FRMD4A: variants seen among roughly 807,000 people sequenced by gnomAD.
The protein encoded by FRMD4A is FERM domain containing 4A, also known as FERM domain-containing protein 4A.
In FRMD4A, 29 loss-of-function variants were observed where a neutral mutation model predicts 129.1. That is an observed-to-expected ratio of 0.22 (90% CI 0.17 to 0.31). The LOEUF (loss-of-function observed/expected upper bound fraction) is 0.31, where lower values mean the gene tolerates loss of function less well. Among genes scored for constraint, FRMD4A ranks in the 10% least tolerant of loss-of-function variants. The probability of loss-of-function intolerance (pLI) is 1.00; values close to 1 mark genes in which losing one functional copy is unlikely to be tolerated. For missense variants in FRMD4A, 1,272 were observed against 1,375.8 expected (o/e 0.92, Z 1.19); for synonymous variants, 634 against 571.6 (o/e 1.11, Z -1.56).
intron 2 of FRMD4A, among the ~76,000 whole-genome samples, chr10:14,039,544 T>C (rs1443126046): frequency 6.6e-6 from 1 of 151,626 alleles, no homozygotes; most frequent in Non-Finnish European, 1.5e-5. Flanking sequence ...CCAAAATCAC[T>C]AAGCTAAAGG....
At chr10:14,265,921 C>T (rs923474303) in intron 2 of FRMD4A, among the ~76,000 whole-genome samples, 1 of 152,110 alleles carries the variant, frequency 6.6e-6, no homozygotes, top group Non-Finnish European at 1.5e-5. Flanking sequence ...AATGCTTCAC[C>T]TCTATAAGCG....
chr10:14,052,281 G>A (rs1834297168), intron 2 of FRMD4A, among the ~76,000 whole-genome samples: 2 of 152,180 alleles, frequency 1.3e-5, no homozygotes, highest in African/African-American at 4.8e-5. Flanking sequence ...TAAACTACCT[G>A]GTTTGCAGTG....
At chr10:14,238,171 G>T (rs533209097) in intron 2 of FRMD4A, among the ~76,000 whole-genome samples, 1 of 152,316 alleles carries the variant, frequency 6.6e-6, no homozygotes, top group South Asian at 2.1e-4. Context: ...AATGGGCCAG[G>T]CACTGTACTA....
At chr10:14,150,692 T>C (rs1237165642) in intron 2 of FRMD4A, among the ~76,000 whole-genome samples, 1 of 152,184 alleles carries the variant, frequency 6.6e-6, no homozygotes, top group Admixed American at 6.5e-5. Context: ...TATTTCTCCC[T>C]TCTCTCACCC....
chr10:14,192,444 C>T (rs773937877), intron 2 of FRMD4A, among the ~76,000 whole-genome samples: 3 of 152,192 alleles, frequency 2.0e-5, no homozygotes, highest in Non-Finnish European at 4.4e-5. Context: ...ATTCACATAA[C>T]AAAACTCTGC....
At chr10:13,848,506 G>C (rs184767799) in intron 3 of FRMD4A, among the ~76,000 whole-genome samples, 1 of 152,088 alleles carries the variant, frequency 6.6e-6, no homozygotes, top group African/African-American at 2.4e-5. Flanking sequence ...CAAAGAAGGG[G>C]TGTTGCCAGG....
At position 13,707,728 on chromosome 10, in the gene FRMD4A, C is replaced by T. The variant is rs539044214; in HGVS notation, c.760-615G>A. 6 of 985,246 alleles carry T rather than the reference C, an allele frequency of 6.1e-6. No homozygotes were observed. The East Asian group carries it at 5.7e-4, about 93-fold the overall frequency. 61.0% of individuals were successfully genotyped at this position (985,246 alleles called of 1,614,324 possible). A position where few individuals can be genotyped will look rare whatever the true frequency, so the allele number is the denominator to read the frequency against. On this transcript the variant is annotated intron_variant, in intron 12 of 24. Transcript: ENST00000357447. ...GGCAACTCAAGATCACAGTGTGAGCCTGTCAAGCCCATTCTTCTTGCTGCA... is the reference window on the plus strand; with the variant it reads ...GGCAACTCAAGATCACAGTGTGAGCTTGTCAAGCCCATTCTTCTTGCTGCA...
chr10:13,944,323 T>A (rs991994972), intron 2 of FRMD4A, among the ~76,000 whole-genome samples: 1 of 152,098 alleles, frequency 6.6e-6, no homozygotes, highest in African/African-American at 2.4e-5. Context: ...GCCAGGGATG[T>A]AGGCTGCATG....
rs147159485 is a variant in FRMD4A, at chr10:13,688,474, A to G, written c.1117+5424T>C. ...ACGAGTTAATCGGTGCAGCACACCA[A>G]CATGGCACATGTATACGTGTGTAAC... On this transcript the variant is annotated intron_variant, in intron 15 of 24. Transcript: ENST00000357447. 3.6e-3 allele frequency among the ~76,000 whole-genome samples: 551 copies of G among 152,238 alleles called. 3 individuals are homozygous for G. Among genetic ancestry groups the G allele is most frequent in the Middle Eastern group, 6.8e-3 (2 of 294 alleles).
chr10:13,930,445 A>C (rs1358356591), intron 2 of FRMD4A, among the ~76,000 whole-genome samples: 2 of 152,180 alleles, frequency 1.3e-5, no homozygotes, highest in African/African-American at 2.4e-5. Flanking sequence ...TGAGCCTTTC[A>C]AGGAGTCAGA....
chr10:14,204,937 C>A (rs999313631), intron 2 of FRMD4A, among the ~76,000 whole-genome samples: 1 of 152,170 alleles, frequency 6.6e-6, no homozygotes, highest in African/African-American at 2.4e-5. Flanking sequence ...CCCAACAGAG[C>A]CCGGAGAGCC....
At chr10:14,297,194 C>T (rs894600774) in intron 2 of FRMD4A, among the ~76,000 whole-genome samples, 2 of 151,668 alleles carry the variant, frequency 1.3e-5, no homozygotes, top group African/African-American at 4.8e-5. Context: ...ATGCCTATCA[C>T]TCAGGCTGCC....
At chr10:13,876,215 T>C (rs1416606169) in intron 2 of FRMD4A, among the ~76,000 whole-genome samples, 1 of 152,240 alleles carries the variant, frequency 6.6e-6, no homozygotes, top group Non-Finnish European at 1.5e-5. Flanking sequence ...CATGGATATA[T>C]AGGCACAGCT....
At chr10:14,127,914 C>A (rs958931474) in intron 2 of FRMD4A, among the ~76,000 whole-genome samples, 2 of 2,376 alleles carry the variant, frequency 8.4e-4, no homozygotes, top group Non-Finnish European at 1.6e-3. Flanking sequence ...TGCTTTCTTT[C>A]TTTCTTTCTT....
At chr10:13,742,312 G>A (rs553042629) in intron 9 of FRMD4A, among the ~76,000 whole-genome samples, 56 of 152,236 alleles carry the variant, frequency 3.7e-4, no homozygotes, top group African/African-American at 1.3e-3. Flanking sequence ...GGAATCCCAG[G>A]GAAGCAGGTG....
intron 21 of FRMD4A, among the ~76,000 whole-genome samples, chr10:13,658,133 A>T (rs201647588): frequency 1.5e-4 from 8 of 52,392 alleles, no homozygotes; most frequent in South Asian, 6.2e-4. Context: ...TGTCTCTCTT[A>T]AAAAAAAAAA....
chr10:14,057,714 G>T (rs1280277153), intron 2 of FRMD4A, among the ~76,000 whole-genome samples: 1 of 152,152 alleles, frequency 6.6e-6, no homozygotes, highest in South Asian at 2.1e-4. Context: ...GGGATTACAG[G>T]CAGGGGCCAC....
chr10:14,125,740 C>T (rs1452720252), intron 2 of FRMD4A, among the ~76,000 whole-genome samples: 2 of 144,180 alleles, frequency 1.4e-5, no homozygotes, highest in African/African-American at 5.3e-5. Context: ...CACACACACA[C>T]GTGCACACTC....
intron 3 of FRMD4A, among the ~76,000 whole-genome samples, chr10:13,853,519 A>G (rs2094167993): frequency 6.6e-6 from 1 of 151,872 alleles, no homozygotes; most frequent in African/African-American, 2.4e-5. Context: ...GCTGGTTGAT[A>G]GAGCGAGACC....
Sources: gnomAD v4.1 joint callset for allele counts (sites outside exome capture counted in the v4.1 genomes callset) on GRCh38, gnomAD v4.1.1 for gene constraint, MANE v1.5 for transcripts, NCBI Gene and HGNC (gene_info 2026-07-23, HGNC 2026-07-21) for gene names.